Variants in ESR1 observed in about 807,000 individuals in gnomAD.
ESR1 encodes estrogen receptor 1.
In ESR1, 12 loss-of-function variants were observed where a neutral mutation model predicts 52.7. The observed-to-expected ratio is 0.23, with a 90% CI of 0.15 to 0.37. The LOEUF (loss-of-function observed/expected upper bound fraction) is 0.37. ESR1 is among the 10% of genes least tolerant of loss of function. ESR1 has a pLI of 1.00. For synonymous variants in ESR1, 305 were observed against 316.8 expected (o/e 0.96, Z 0.39); for missense variants, 584 against 779.7 (o/e 0.75, Z 2.99).
At chr6:151,758,490 G>A (rs1457456166) in intron 2 of ESR1, among the ~76,000 whole-genome samples, 1 of 152,176 alleles carries the variant, frequency 6.6e-6, no homozygotes, top group African/African-American at 2.4e-5. Flanking sequence ...GCCAGGGATG[G>A]TGGCTCATGC....
At chr6:151,979,710 T>A (rs1322319956) in intron 4 of ESR1, among the ~76,000 whole-genome samples, 1 of 152,230 alleles carries the variant, frequency 6.6e-6, no homozygotes, top group East Asian at 1.9e-4. Flanking sequence ...TCTTCTAACC[T>A]GGGTAAATAT....
chr6:152,044,204 T>G (rs112120324), intron 5 of ESR1, among the ~76,000 whole-genome samples: 16,173 of 152,134 alleles, frequency 0.11, 1,971 homozygotes, highest in African/African-American at 0.3. Flanking sequence ...ATGCATTTAT[T>G]TTGCATAACT....
chr6:151,719,301 G>A (rs1364403814), intron 2 of ESR1, among the ~76,000 whole-genome samples: 1 of 152,140 alleles, frequency 6.6e-6, no homozygotes, highest in Non-Finnish European at 1.5e-5. Context: ...CTACAGGAAA[G>A]AGCAAAGGTC....
intron 6 of ESR1, among the ~76,000 whole-genome samples, chr6:152,119,554 C>T (rs1343349074): frequency 1.3e-5 from 2 of 151,666 alleles, no homozygotes; most frequent in African/African-American, 4.9e-5. Context: ...CCTTCCCTTC[C>T]CATCCTTCCT....
At chr6:151,853,369 C>T (rs1787240069) in intron 2 of ESR1, among the ~76,000 whole-genome samples, 1 of 151,954 alleles carries the variant, frequency 6.6e-6, no homozygotes, top group Non-Finnish European at 1.5e-5. Flanking sequence ...AATGACATCC[C>T]CAGTGTTAAG....
chr6:151,840,602 A>C (rs1211451244), intron 1 of ESR1, among the ~76,000 whole-genome samples: 1 of 152,206 alleles, frequency 6.6e-6, no homozygotes, highest in Non-Finnish European at 1.5e-5. Context: ...GAGAGGTTAT[A>C]CAATTTGGGC....
At chr6:151,744,300 A>G (rs910034514) in intron 2 of ESR1, among the ~76,000 whole-genome samples, 1 of 152,178 alleles carries the variant, frequency 6.6e-6, no homozygotes, top group Non-Finnish European at 1.5e-5. Flanking sequence ...GAAATCTTCA[A>G]AATGGTTCCC....
upstream of ESR1, among the ~76,000 whole-genome samples, chr6:151,799,811 G>C (rs1455410571): frequency 6.6e-6 from 1 of 152,220 alleles, no homozygotes; most frequent in Non-Finnish European, 1.5e-5. Context: ...TATGTCAGAT[G>C]AAAAGGGATG....
intron 4 of ESR1, among the ~76,000 whole-genome samples, chr6:151,957,091 A>G (rs549531738): frequency 6.6e-6 from 1 of 151,618 alleles, no homozygotes; most frequent in East Asian, 1.9e-4. Context: ...GTTAGCCAGG[A>G]TGGTCTCGAT....
chr6:152,001,161 A>AT (rs2041913383), intron 4 of ESR1, among the ~76,000 whole-genome samples: 1 of 152,062 alleles, frequency 6.6e-6, no homozygotes, highest in African/African-American at 2.4e-5. Context: ...GTCTTAGTCT[A>AT]TTTTCTGTTC....
chr6:152,048,133 C>T (rs6934268), intron 5 of ESR1, among the ~76,000 whole-genome samples: 15,801 of 151,546 alleles, frequency 0.1, 1,888 homozygotes, highest in African/African-American at 0.3. Context: ...CACTTTCGGA[C>T]GCCGAGGCAG....
At chr6:151,992,771 C>T (rs908324335) in intron 4 of ESR1, among the ~76,000 whole-genome samples, 5 of 151,982 alleles carry the variant, frequency 3.3e-5, no homozygotes, top group South Asian at 2.1e-4. Flanking sequence ...TTTTGTGACT[C>T]GTGTAGAGCA....
intron 4 of ESR1, among the ~76,000 whole-genome samples, chr6:152,006,512 T>C (rs1193024383): frequency 2.0e-5 from 3 of 152,060 alleles, no homozygotes; most frequent in Non-Finnish European, 4.4e-5. Context: ...GAAGACTGCT[T>C]GGTATTTACA....
At chr6:152,123,439 A>T (rs2813559) in intron 6 of ESR1, among the ~76,000 whole-genome samples, 1 of 152,034 alleles carries the variant, frequency 6.6e-6, no homozygotes, top group Non-Finnish European at 1.5e-5. Flanking sequence ...TCTACACTCA[A>T]AGTGACAAGT....
chr6:151,936,817 A>G (rs148871483), intron 3 of ESR1, among the ~76,000 whole-genome samples: 33 of 152,038 alleles, frequency 2.2e-4, no homozygotes, highest in African/African-American at 7.2e-4. Context: ...GTGGGGAGGA[A>G]CCTAGGTGTA....
intron 1 of ESR1, among the ~76,000 whole-genome samples, chr6:151,691,820 C>A (rs549723116): frequency 6.6e-6 from 1 of 152,088 alleles, no homozygotes; most frequent in East Asian, 1.9e-4. Context: ...ATTTGTATAC[C>A]ATAAAATCCC....
At chr6:151,870,452 G>GGTGCTCTT (rs771532209) in intron 2 of ESR1, among the ~76,000 whole-genome samples, 1 of 151,884 alleles carries the variant, frequency 6.6e-6, no homozygotes, top group Non-Finnish European at 1.5e-5. Context: ...TTAATATTTA[G>GGTGCTCTT]GTGCTCTTGT....
intron 6 of ESR1, among the ~76,000 whole-genome samples, chr6:152,076,103 G>A (rs570313839): frequency 6.6e-6 from 1 of 152,228 alleles, no homozygotes; most frequent in South Asian, 2.1e-4. Flanking sequence ...ATATGGTTTG[G>A]CTCTGTGTCC....
At chr6:151,817,194 A>G (rs1209408038) in intron 1 of ESR1, among the ~76,000 whole-genome samples, 5 of 152,224 alleles carry the variant, frequency 3.3e-5, no homozygotes, top group Admixed American at 2.6e-4. Context: ...CCAGATGATT[A>G]AAAAACTACT....
Sources: gnomAD v4.1 joint callset for allele counts (sites outside exome capture counted in the v4.1 genomes callset) on GRCh38, gnomAD v4.1.1 for gene constraint, MANE v1.5 for transcripts, NCBI Gene and HGNC (gene_info 2026-07-23, HGNC 2026-07-21) for gene names.